Variants in ARHGAP32 observed in about 807,000 individuals in gnomAD.
The protein encoded by ARHGAP32 is rho GTPase-activating protein 32.
ARHGAP32 carries 51 observed loss-of-function variants against 186.5 expected under a neutral mutation model. That is an observed-to-expected ratio of 0.27 (90% CI 0.22 to 0.35). The LOEUF (loss-of-function observed/expected upper bound fraction) is 0.35. ARHGAP32 is among the 10% of genes least tolerant of loss of function. The pLI is 1.00. For synonymous variants in ARHGAP32, 950 were observed against 964.3 expected (o/e 0.99, Z 0.27); for missense variants, 2,186 against 2,623.5 (o/e 0.83, Z 3.64).
At chr11:129,257,918 TTTACTC>T (rs2135704118) in intron 1 of ARHGAP32, among the ~76,000 whole-genome samples, 1 of 152,302 alleles carries the variant, frequency 6.6e-6, no homozygotes, top group East Asian at 1.9e-4. Context: ...AATGTAAACT[TTTACTC>T]TTAGAATAGG....
chr11:129,156,124 C>T (rs1038862441), intron 2 of ARHGAP32, among the ~76,000 whole-genome samples: 2 of 152,240 alleles, frequency 1.3e-5, no homozygotes, highest in South Asian at 2.1e-4. Flanking sequence ...CAGGTGATTA[C>T]ACCACCAGGA....
intron 2 of ARHGAP32, among the ~76,000 whole-genome samples, chr11:129,125,225 A>G (rs1432372773): frequency 6.6e-6 from 1 of 152,116 alleles, no homozygotes; most frequent in Non-Finnish European, 1.5e-5. Flanking sequence ...ACCTTTGTTA[A>G]AATAATTAAT....
chr11:129,188,403 G>A (rs1472659479), intron 1 of ARHGAP32, among the ~76,000 whole-genome samples: 2 of 152,138 alleles, frequency 1.3e-5, no homozygotes, highest in African/African-American at 4.8e-5. Context: ...GGGCTTCCAG[G>A]GGAAATGAGC....
intron 1 of ARHGAP32, among the ~76,000 whole-genome samples, chr11:129,227,162 T>C (rs2135626972): frequency 6.6e-6 from 1 of 152,178 alleles, no homozygotes; most frequent in East Asian, 1.9e-4. Context: ...TTTTATATAC[T>C]ATTGAAATTA....
chr11:129,276,311 G>A (rs1026880747), intron 1 of ARHGAP32, among the ~76,000 whole-genome samples: 3 of 152,102 alleles, frequency 2.0e-5, no homozygotes, highest in Non-Finnish European at 2.9e-5. Flanking sequence ...TGTTGTTGTT[G>A]TTGTTTTGAG....
chr11:129,157,624 G>A (rs777957088), intron 2 of ARHGAP32, among the ~76,000 whole-genome samples: 35 of 152,240 alleles, frequency 2.3e-4, no homozygotes, highest in Non-Finnish European at 4.3e-4. Flanking sequence ...TGAAAGTGAC[G>A]AGGAGAATGG....
At chr11:129,188,623 T>C (rs2135548693) in intron 1 of ARHGAP32, among the ~76,000 whole-genome samples, 1 of 152,292 alleles carries the variant, frequency 6.6e-6, no homozygotes, top group East Asian at 1.9e-4. Context: ...GGATGAATAA[T>C]GCAACCAACC....
chr11:129,018,199 G>C lies in ARHGAP32; in HGVS notation c.1046-19731C>G, dbSNP rs76124394. Among the ~76,000 whole-genome samples, 425 of 152,180 alleles carry C rather than the reference G, an allele frequency of 2.8e-3. 2 individuals are homozygous for C. Among genetic ancestry groups the C allele is most frequent in the South Asian group, 4.8e-3 (23 of 4,816 alleles). ...GAGTGCAATAGACTTGAAAAGGCAA[G>C]TGGCAATTTAAAAAAATAACAGCCT... On this transcript the variant is annotated intron_variant, in intron 11 of 22. Transcript: ENST00000682385.
chr11:129,267,719 A>G (rs1445138518), intron 1 of ARHGAP32, among the ~76,000 whole-genome samples: 1 of 152,226 alleles, frequency 6.6e-6, no homozygotes, highest in Non-Finnish European at 1.5e-5. Flanking sequence ...CCATAAAGGA[A>G]CACCTGAAAT....
chr11:129,206,524 C>T (rs1944515881), intron 1 of ARHGAP32, among the ~76,000 whole-genome samples: 1 of 152,044 alleles, frequency 6.6e-6, no homozygotes, highest in Non-Finnish European at 1.5e-5. Context: ...TTGATTTTTT[C>T]TTTTTTTAAA....
chr11:129,041,521 A>T (rs1399933320), intron 10 of ARHGAP32, among the ~76,000 whole-genome samples: 1 of 152,108 alleles, frequency 6.6e-6, no homozygotes, highest in East Asian at 1.9e-4. Flanking sequence ...ACATGACTAA[A>T]ATAAATGTGT....
At position 128,978,873 on chromosome 11, in the gene ARHGAP32, G is replaced by A; in HGVS notation, c.2019C>T (p.Ser673=). The A allele has an allele frequency of 6.2e-7, 1 of 1,612,248 alleles. No individual in the cohort carries two copies. The highest frequency in any genetic ancestry group is 8.5e-7 in the Non-Finnish European group (1 of 1,179,256). ...TCCCCAAGTTGAAAAAGGAACGCCA[G>A]CTACCCACAGGAGACTTTTTCATCT... ...QNKMKKSPVG[S]WRSFFNLGKS... Residue 673 remains serine (S), a synonymous_variant, in exon 19 of 23, where the codon AGC becomes AGT. Transcript: ENST00000682385.
intron 15 of ARHGAP32, 75 bp from the exon 16 acceptor site, chr11:128,982,011 AT>A: frequency 1.0e-6 from 1 of 962,440 alleles, no homozygotes; most frequent in Non-Finnish European, 1.5e-6. Flanking sequence ...CTGCTAATTA[AT>A]TCCTAAGTTT....
chr11:129,065,218 G>T (rs1940646104), intron 7 of ARHGAP32, among the ~76,000 whole-genome samples: 1 of 152,058 alleles, frequency 6.6e-6, no homozygotes, highest in Non-Finnish European at 1.5e-5. Context: ...TATGCAAAAA[G>T]ATAACTATAG....
chr11:128,973,290 T>C lies in ARHGAP32; in HGVS notation c.3216A>G (p.Ser1072=). The C allele has an allele frequency of 6.2e-7, 1 of 1,614,210 alleles. No individual in the cohort carries two copies. The highest frequency in any genetic ancestry group is 8.5e-7 in the Non-Finnish European group (1 of 1,180,040). ...AESAQQASTQ[S]LKRPGTSQAG... ...CCTGAGAGGTCCCTGGTCTCTTCAA[T>C]GACTGAGTTGAGGCTTGCTGTGCGG... Residue 1072 remains serine, a synonymous_variant, in exon 22 of 23, where the codon TCA becomes TCG. Coordinates refer to ENST00000682385, the MANE Select transcript of ARHGAP32 (RefSeq NM_001378024.1).
At chr11:128,998,063 G>T (rs900817787) in intron 12 of ARHGAP32, among the ~76,000 whole-genome samples, 12 of 152,162 alleles carry the variant, frequency 7.9e-5, no homozygotes, top group South Asian at 2.1e-4. Flanking sequence ...CAAAATAACA[G>T]GGTGGTTGTA....
rs1945191516 is a variant in ARHGAP32, at chr11:128,965,125, C to T, written c.*3782G>A. ...CTTTCAGTGGGACATTTGCTTTAAACCACAAGATATCTCCATCTCCAGGTA... is the reference window on the plus strand; with the variant it reads ...CTTTCAGTGGGACATTTGCTTTAAATCACAAGATATCTCCATCTCCAGGTA... On this transcript the variant is annotated 3_prime_UTR_variant, in exon 23 of 23. Coordinates refer to ENST00000682385, the MANE Select transcript of ARHGAP32 (RefSeq NM_001378024.1). 1 of 152,042 alleles carries T rather than the reference C, an allele frequency of 6.6e-6. No individual in the cohort carries two copies. Among genetic ancestry groups the T allele is most frequent in the Admixed American group, 6.6e-5 (1 of 15,250 alleles). 9.4% of individuals were successfully genotyped at this position (152,042 alleles called of 1,614,324 possible). A position where few individuals can be genotyped will look rare whatever the true frequency, so the allele number is the denominator to read the frequency against.
chr11:129,209,222 A>C (rs1334375889), intron 1 of ARHGAP32, among the ~76,000 whole-genome samples: 1 of 152,160 alleles, frequency 6.6e-6, no homozygotes, highest in Non-Finnish European at 1.5e-5. Context: ...TTATCTTTGA[A>C]AGTGTCAAGC....
chr11:129,063,697 A>C (rs2135145467), intron 9 of ARHGAP32, among the ~76,000 whole-genome samples: 1 of 152,282 alleles, frequency 6.6e-6, no homozygotes, highest in South Asian at 2.1e-4. Flanking sequence ...CAGACAAAAC[A>C]GGAGACACTT....
Sources: allele counts gnomAD v4.1 joint callset (sites outside exome capture counted in the v4.1 genomes callset), GRCh38; gene constraint gnomAD v4.1.1; transcripts MANE v1.5; gene names NCBI Gene and HGNC (gene_info 2026-07-23, HGNC 2026-07-21).